Variants in FBLN1 observed in about 807,000 individuals in gnomAD.
FBLN1 encodes the protein fibulin 1.
Under a neutral mutation model 89.7 loss-of-function variants are expected in FBLN1, and 34 were observed. That is an observed-to-expected ratio of 0.38 (90% confidence interval 0.29 to 0.50). FBLN1 has a LOEUF of 0.50. FBLN1 is among the 20% of genes least tolerant of loss of function. FBLN1 has a pLI of 0.92. For synonymous variants in FBLN1, 393 were observed against 391.3 expected (o/e 1.00, Z -0.05); for missense variants, 777 against 988.1 (o/e 0.79, Z 2.86).
At chr22:45,544,137 A>G (rs1254542236) in intron 11 of FBLN1, among the ~76,000 whole-genome samples, 4 of 151,116 alleles carry the variant, frequency 2.6e-5, no homozygotes, top group African/African-American at 9.8e-5. Context: ...CCCAGGCTGG[A>G]GTGCAATGCT....
intron 3 of FBLN1, among the ~76,000 whole-genome samples, chr22:45,526,337 C>T (rs531698252): frequency 7.2e-5 from 11 of 152,302 alleles, no homozygotes; most frequent in African/African-American, 2.6e-4. Flanking sequence ...CGTGGAAGGG[C>T]TGTGTCTTTG....
In FBLN1 at chr22:45,548,636, A is replaced by T; in HGVS notation, c.1465A>T (p.Thr489Ser). 1 of 1,613,654 alleles carries T rather than the reference A, an allele frequency of 6.2e-7. No individual in the cohort carries two copies. Among genetic ancestry groups the T allele is most frequent in the East Asian group, 2.2e-5 (1 of 44,884 alleles). Residue 489 changes from threonine to serine, a missense_variant, in exon 13 of 17, where the codon ACC (threonine) becomes TCC (serine). Thr to Ser is a moderately conservative substitution (Grantham distance 58, BLOSUM62 1). Coordinates refer to ENST00000327858, the MANE Select transcript of FBLN1 (RefSeq NM_006486.3). ...CEDIDECALPTGGHICSYRCI... is the reference protein window; with the variant it reads ...CEDIDECALPSGGHICSYRCI... Reference sequence around the variant, plus strand: ...AGACATCGACGAGTGCGCCCTGCCCACCGGGGGCCACATCTGCTCCTACCG... The same window carrying T: ...AGACATCGACGAGTGCGCCCTGCCCTCCGGGGGCCACATCTGCTCCTACCG...
intron 14 of FBLN1, chr22:45,558,636 C>G (rs2088817841): frequency 6.7e-6 from 1 of 149,554 alleles, no homozygotes; most frequent in Non-Finnish European, 1.5e-5. Context: ...AACTGGCAGC[C>G]TTTCAGGTCA....
chr22:45,522,524 G>A (rs1022905648), intron 2 of FBLN1, among the ~76,000 whole-genome samples: 3 of 152,196 alleles, frequency 2.0e-5, no homozygotes, highest in Non-Finnish European at 4.4e-5. Context: ...GAGAGGCTCA[G>A]AGAGGACTGC....
rs1311061990 is a variant in FBLN1 at position 45,535,311 on chromosome 22, T to C, written c.896T>C (p.Ile299Thr). The change falls in exon 8 of 17, where the codon ATA becomes ACA. Residue 299 changes from isoleucine to threonine, a missense_variant. Transcript: ENST00000327858. ...RPKLQCKSGF[I>T]QDALGNCIDI... ...AAGCTACAGTGCAAGAGTGGCTTTA[T>C]ACAAGATGCTCTAGGCAACTGTATT... is the stretch of plus-strand genomic sequence containing the variant. 1.4e-5 allele frequency: 23 copies of C among 1,614,126 alleles called. No homozygotes were observed. The highest frequency in any genetic ancestry group is 1.9e-5 in the Non-Finnish European group (23 of 1,180,046).
At position 45,521,005 on chromosome 22, in the gene FBLN1, A is replaced by C. The variant is rs1215042821; in HGVS notation, c.185+2218A>C. The stretch of plus-strand genomic sequence containing the variant: ...TAATTTTTGTATTTTTAGTAGAGAC[A>C]GAGTTTCACCGTGTTGGCCAGGCTG... On this transcript the variant is annotated intron_variant, in intron 2 of 16. Transcript: ENST00000327858. Among the ~76,000 whole-genome samples the C allele has an allele frequency of 2.0e-5, 3 of 152,108 alleles. No individual in the cohort carries two copies. The East Asian group carries it at 5.8e-4, about 29-fold the overall frequency.
chr22:45,592,368 C>T (rs1030285040), intron 16 of FBLN1, among the ~76,000 whole-genome samples: 2 of 152,154 alleles, frequency 1.3e-5, no homozygotes, highest in Non-Finnish European at 2.9e-5. Context: ...GCTCAGTCAC[C>T]CAGGCTGGAG....
At chr22:45,509,814 C>T (rs1013569715) in intron 1 of FBLN1, among the ~76,000 whole-genome samples, 1 of 151,992 alleles carries the variant, frequency 6.6e-6, no homozygotes, top group Non-Finnish European at 1.5e-5. Flanking sequence ...TCAGGCTTTT[C>T]GGTTCCTTGG....
chr22:45,598,734 C>G (rs1280584773), intron 16 of FBLN1, among the ~76,000 whole-genome samples: 1 of 152,236 alleles, frequency 6.6e-6, no homozygotes, highest in Non-Finnish European at 1.5e-5. Flanking sequence ...CTGTTTAGCA[C>G]ATGTGTGCAT....
At position 45,590,760 on chromosome 22, in the gene FBLN1, G is replaced by A. The variant is rs1460878953; in HGVS notation, c.1973-9547G>A. Among the ~76,000 whole-genome samples the A allele has an allele frequency of 6.6e-6, 1 of 152,118 alleles. No individual in the cohort carries two copies. Among genetic ancestry groups the A allele is most frequent in the Non-Finnish European group, 1.5e-5 (1 of 68,006 alleles). On this transcript the variant is annotated intron_variant, in intron 16 of 16. Transcript: ENST00000327858. The surrounding 1 kb of genome is among the most constrained non-coding windows in gnomAD (Gnocchi z 4.1). ...GAGGGATGGGAGTAAGGGGCCTATC[G>A]AGGGCGACTCCAAGTTCCTGGCTTG...
rs117972308 is a variant in FBLN1 at position 45,551,911 on chromosome 22, G to A, written c.1697+1296G>A. Among the ~76,000 whole-genome samples, 371 of 152,374 alleles carry A rather than the reference G, an allele frequency of 2.4e-3. 11 individuals are homozygous for A. In the East Asian group the frequency reaches 0.065, roughly 27 times the overall value. On this transcript the variant is annotated intron_variant, in intron 14 of 16. Coordinates refer to ENST00000327858, the MANE Select transcript of FBLN1 (RefSeq NM_006486.3). Reference sequence around the variant, plus strand: ...GACCTCGATTTCTAACTTGCGCACAGTCGTGAAACCACCTTTCGAAGAGGG... The same window carrying A: ...GACCTCGATTTCTAACTTGCGCACAATCGTGAAACCACCTTTCGAAGAGGG...
In FBLN1 at chr22:45,530,070, C is replaced by G. The variant is rs2088384150; in HGVS notation, c.485-1195C>G. Among the ~76,000 whole-genome samples, 3 of 146,940 alleles carry G rather than the reference C, an allele frequency of 2.0e-5. No individual in the cohort carries two copies. Among genetic ancestry groups the G allele is most frequent in the Admixed American group, 6.7e-5 (1 of 14,850 alleles). ...AGGACCCGGGTCACCCGGGACTCAT[C>G]TTTCACTTATTGTTCTTAGTTTTTC... On this transcript the variant is annotated intron_variant, in intron 4 of 16. Transcript: ENST00000327858. This position sits in a 1 kb window ranked among gnomAD's most constrained non-coding sequence, Gnocchi z 5.4.
In FBLN1 at chr22:45,548,736, A is replaced by G; in HGVS notation, c.1565A>G (p.Asn522Ser). The G allele has an allele frequency of 6.2e-7, 1 of 1,613,160 alleles. No homozygotes were observed. Among genetic ancestry groups the G allele is most frequent in the South Asian group, 1.1e-5 (1 of 91,062 alleles). Residue 522 changes from asparagine (N) to serine (S), a missense_variant, in exon 13 of 17, where the codon AAC becomes AGC. Coordinates refer to ENST00000327858, the MANE Select transcript of FBLN1 (RefSeq NM_006486.3). ...SGYRLAPNGR[N>S]CQDIDECVTG... ...TACAGGCTGGCCCCCAATGGCCGCA[A>G]CTGCCAAGGTGAGCAGGAGGGATGC...
In FBLN1 at chr22:45,579,025, G is replaced by A. The variant is rs1372324317; in HGVS notation, c.1972+1917G>A. On this transcript the variant is annotated intron_variant, in intron 16 of 16. Coordinates refer to ENST00000327858, the MANE Select transcript of FBLN1 (RefSeq NM_006486.3). This position sits in a 1 kb window ranked among gnomAD's most constrained non-coding sequence, Gnocchi z 5.5. ...GAGACAGGCCTTGATGGCCTGTGGA[G>A]GCTCTCTTAGGGGAAGTCTCCTGGC... 2.6e-5 allele frequency among the ~76,000 whole-genome samples: 4 copies of A among 152,220 alleles called. No homozygotes were observed. The highest frequency in any genetic ancestry group is 4.4e-5 in the Non-Finnish European group (3 of 68,038).
rs2088681442 is a variant in FBLN1, at chr22:45,550,022, C to G, written c.1574-470C>G. Among the ~76,000 whole-genome samples, 1 of 152,196 alleles carries G rather than the reference C, an allele frequency of 6.6e-6. No homozygotes were observed. The highest frequency in any genetic ancestry group is 1.5e-5 in the Non-Finnish European group (1 of 68,042). ...TAAGGGTGCTGAGCCTCGGGAGCCA[C>G]AGAGAGGCTCTGGTTAGTTAGTGTA... On this transcript the variant is annotated intron_variant, in intron 13 of 16. Transcript: ENST00000327858. This position sits in a 1 kb window ranked among gnomAD's most constrained non-coding sequence, Gnocchi z 8.4.
At chr22:45,551,170 C>T (rs951337173) in intron 14 of FBLN1, 1 of 193,264 alleles carries the variant, frequency 5.2e-6, no homozygotes, top group East Asian at 1.2e-4. Flanking sequence ...AGCTCACTCA[C>T]TCCTAGGCCA....
At position 45,574,153 on chromosome 22, in the gene FBLN1, G is replaced by A. The variant is rs559989222; in HGVS notation, c.1698-358G>A. 1.1e-4 allele frequency among the ~76,000 whole-genome samples: 17 copies of A among 152,310 alleles called. No individual in the cohort carries two copies. Among genetic ancestry groups the A allele is most frequent in the African/African-American group, 3.8e-4 (16 of 41,574 alleles). On this transcript the variant is annotated intron_variant, in intron 14 of 16. Coordinates refer to ENST00000327858, the MANE Select transcript of FBLN1 (RefSeq NM_006486.3). This position sits in a 1 kb window ranked among gnomAD's most constrained non-coding sequence, Gnocchi z 4.1. ...CACTTTGCTGTCCCTAGCAGCCGGC[G>A]CCTGGCACTCAAAACATATTTGTTG...
rs1328891962 is a variant in FBLN1 at position 45,543,503 on chromosome 22, C to T, written c.1298C>T (p.Ser433Phe). 1 of 1,613,708 alleles carries T rather than the reference C, an allele frequency of 6.2e-7. No individual in the cohort carries two copies. The highest frequency in any genetic ancestry group is 8.5e-7 in the Non-Finnish European group (1 of 1,180,010). The part of the protein sequence containing the change: ...LCSCSVGFRL[S>F]VDGRSCEDIN... ...AGCTGTTCCGTGGGCTTCCGGCTCTCTGTGGATGGCAGGTCATGTGAAGGT... is the reference window on the plus strand; with the variant it reads ...AGCTGTTCCGTGGGCTTCCGGCTCTTTGTGGATGGCAGGTCATGTGAAGGT... Residue 433 changes from serine to phenylalanine, a missense_variant, in exon 11 of 17, where the codon TCT (serine) becomes TTT (phenylalanine). Transcript: ENST00000327858.
chr22:45,516,611 C>T (rs374598561), intron 1 of FBLN1, among the ~76,000 whole-genome samples: 1 of 152,082 alleles, frequency 6.6e-6, no homozygotes, highest in African/African-American at 2.4e-5. Flanking sequence ...GTGAATCTCA[C>T]GTTCACCGAA....
Sources: allele counts gnomAD v4.1 joint callset (sites outside exome capture counted in the v4.1 genomes callset), GRCh38; gene constraint gnomAD v4.1.1; non-coding constraint Gnocchi (gnomAD v3.1); transcripts MANE v1.5; gene names NCBI Gene and HGNC (gene_info 2026-07-23, HGNC 2026-07-21).